SLC26A5: variants seen among roughly 807,000 people sequenced by gnomAD.
The protein encoded by SLC26A5 is solute carrier family 26 member 5, also known as prestin.
In SLC26A5, 51 loss-of-function variants were observed where a neutral mutation model predicts 81.0. That is an observed-to-expected ratio of 0.63 (90% confidence interval 0.50 to 0.80). The LOEUF is 0.80. Among genes scored for constraint, SLC26A5 ranks in the 30% least tolerant of loss-of-function variants. The pLI, the probability that SLC26A5 is intolerant of heterozygous loss-of-function variation, is 0.00. For synonymous variants in SLC26A5, 325 were observed against 332.8 expected (o/e 0.98, Z 0.25); for missense variants, 771 against 905.8 (o/e 0.85, Z 1.91).
intron 14 of SLC26A5, among the ~76,000 whole-genome samples, chr7:103,381,978 G>A (rs916409443): frequency 6.6e-6 from 1 of 150,914 alleles, no homozygotes; most frequent in Non-Finnish European, 1.5e-5. Flanking sequence ...CCACATTCAC[G>A]ATGCACATCA....
rs773273882 is a variant in SLC26A5 at position 103,410,413 on chromosome 7, C to T, written c.707G>A (p.Arg236Gln). The change falls in exon 7 of 20, where the codon CGG (arginine) becomes CAG (glutamine). Residue 236 changes from arginine to glutamine, a missense_variant. By Grantham distance (43) the Arg-to-Gln change is conservative. Transcript: ENST00000306312. ...CACCACGGAAAAGATTCCACTGTACCGCTTTGTTTTAACTCCAAACAGATA... is the reference window on the plus strand; with the variant it reads ...CACCACGGAAAAGATTCCACTGTACTGCTTTGTTTTAACTCCAAACAGATA... ...LKYLFGVKTK[R>Q]YSGIFSVVYS... The T allele has an allele frequency of 9.3e-6, 15 of 1,613,864 alleles. No individual in the cohort carries two copies. Among genetic ancestry groups the T allele is most frequent in the East Asian group, 4.5e-5 (2 of 44,884 alleles).
intron 19 of SLC26A5, among the ~76,000 whole-genome samples, chr7:103,363,696 C>G (rs1332547025): frequency 6.6e-6 from 1 of 152,012 alleles, no homozygotes; most frequent in Non-Finnish European, 1.5e-5. Flanking sequence ...TAACCTTTAG[C>G]AATATGTTAA....
chr7:103,397,507 C>A (rs191629367), intron 9 of SLC26A5, among the ~76,000 whole-genome samples: 6,445 of 138,720 alleles, frequency 0.046, 485 homozygotes, highest in African/African-American at 0.17. Context: ...TGCCACTGCA[C>A]TCCAGCCTGG....
At chr7:103,427,207 G>T (rs1043207341) in intron 2 of SLC26A5, among the ~76,000 whole-genome samples, 6 of 151,816 alleles carry the variant, frequency 4.0e-5, no homozygotes, top group Non-Finnish European at 8.8e-5. Context: ...CCGAGTAGCT[G>T]GGATTACAGG....
intron 19 of SLC26A5, among the ~76,000 whole-genome samples, chr7:103,364,958 CATAT>C (rs59914167): frequency 0.027 from 3,334 of 125,474 alleles, 180 homozygotes; most frequent in African/African-American, 0.091. Flanking sequence ...TGTAGACATA[CATAT>C]ATATATATAT....
At chr7:103,404,800 C>T (rs369726126) in intron 8 of SLC26A5, among the ~76,000 whole-genome samples, 15 of 152,236 alleles carry the variant, frequency 9.9e-5, no homozygotes, top group East Asian at 7.7e-4. Context: ...CCATTCTCCC[C>T]GTCACTTTCA....
intron 19 of SLC26A5, among the ~76,000 whole-genome samples, chr7:103,363,945 A>G (rs1270846815): frequency 6.6e-6 from 1 of 152,268 alleles, no homozygotes; most frequent in East Asian, 1.9e-4. Context: ...AGTCCAGTTT[A>G]GAACTTATGT....
At chr7:103,385,893 G>C (rs1822153977) in intron 14 of SLC26A5, among the ~76,000 whole-genome samples, 1 of 149,206 alleles carries the variant, frequency 6.7e-6, no homozygotes, top group South Asian at 2.1e-4. Context: ...GTATGGATGG[G>C]GTTTTACCAG....
intron 12 of SLC26A5, 62 bp downstream of exon 12, chr7:103,390,367 A>T: frequency 6.9e-7 from 1 of 1,453,206 alleles, no homozygotes; most frequent in Admixed American, 1.7e-5. Flanking sequence ...GAACATAAAC[A>T]AATAAAATAG....
chr7:103,426,017 G>GA (rs991892361), intron 2 of SLC26A5, among the ~76,000 whole-genome samples: 1 of 151,912 alleles, frequency 6.6e-6, no homozygotes, highest in African/African-American at 2.4e-5. Context: ...CAAACAAAAA[G>GA]AAAAAAACTA....
chr7:103,370,516 G>T (rs565508947), downstream of SLC26A5, among the ~76,000 whole-genome samples: 24 of 152,140 alleles, frequency 1.6e-4, no homozygotes, highest in Non-Finnish European at 1.9e-4. Context: ...CTCAGAGGCT[G>T]GTACTGTCTT....
intron 19 of SLC26A5, chr7:103,353,840 GA>G: frequency 9.0e-6 from 11 of 1,218,446 alleles, no homozygotes; most frequent in Non-Finnish European, 1.3e-5. Context: ...GAATCGAACA[GA>G]AAAAAAGCTC....
At position 103,388,383 on chromosome 7, in the gene SLC26A5, C is replaced by T. The variant is rs377258498; in HGVS notation, c.1514+625G>A. ...GGCTAATTTTTTTTTGTATTTTTAG[C>T]GGAGATGGGGTTTCACCATGTTGGC... On this transcript the variant is annotated intron_variant, in intron 14 of 19. Transcript: ENST00000306312. The T allele has an allele frequency of 4.6e-4, 73 of 157,800 alleles. 1 individual carries two copies. The highest frequency in any genetic ancestry group is 7.0e-4 in the African/African-American group (29 of 41,220). 9.8% of individuals were successfully genotyped at this position (157,800 alleles called of 1,614,324 possible).
intron 19 of SLC26A5, chr7:103,354,840 TCTAA>T (rs1211192102): frequency 4.1e-6 from 6 of 1,465,214 alleles, no homozygotes; most frequent in Non-Finnish European, 5.7e-6. Context: ...ATCCTGATAT[TCTAA>T]CTAAACTGAC....
intron 19 of SLC26A5, among the ~76,000 whole-genome samples, chr7:103,365,148 G>C (rs1489771970): frequency 6.6e-6 from 1 of 151,762 alleles, no homozygotes; most frequent in African/African-American, 2.4e-5. Context: ...CCAAGTGATA[G>C]ATCAGATGCT....
intron 6 of SLC26A5, among the ~76,000 whole-genome samples, chr7:103,410,907 G>A (rs1824435494): frequency 6.6e-6 from 1 of 152,140 alleles, no homozygotes; most frequent in Admixed American, 6.5e-5. Context: ...GGGATTAAAG[G>A]TGTGAGCCAC....
intron 19 of SLC26A5, chr7:103,364,367 A>C (rs1329376077): frequency 5.7e-6 from 9 of 1,577,914 alleles, no homozygotes; most frequent in Middle Eastern, 3.4e-4. Context: ...TATGAATGAA[A>C]TTAAAAATGG....
intron 10 of SLC26A5, among the ~76,000 whole-genome samples, chr7:103,392,079 A>C (rs564452530): frequency 3.8e-4 from 58 of 152,172 alleles, no homozygotes; most frequent in Non-Finnish European, 6.3e-4. Flanking sequence ...GTTGTATAGG[A>C]CTCTTGGCAT....
intron 19 of SLC26A5, chr7:103,355,924 C>T: frequency 1.7e-6 from 1 of 605,334 alleles, no homozygotes; most frequent in Non-Finnish European, 2.7e-6. Flanking sequence ...AAGCTTTCTA[C>T]AAAACTGGGG....
Sources: allele counts gnomAD v4.1 joint callset (sites outside exome capture counted in the v4.1 genomes callset), GRCh38; gene constraint gnomAD v4.1.1; transcripts MANE v1.5; gene names NCBI Gene and HGNC (gene_info 2026-07-23, HGNC 2026-07-21).